The following STKLD1 variants were observed in gnomAD, a reference collection of about 807,000 sequenced individuals.
STKLD1 encodes the protein serine/threonine kinase like domain containing 1, also known as serine/threonine kinase-like domain-containing protein STKLD1.
A neutral mutation model predicts 80.4 loss-of-function variants in STKLD1; 79 were observed. That is an observed-to-expected ratio of 0.98 (90% CI 0.82 to 1.19). The LOEUF (loss-of-function observed/expected upper bound fraction) is 1.19. Among genes scored for constraint, STKLD1 ranks in the 50% most tolerant of loss-of-function variants. The pLI is 0.00. For missense variants in STKLD1, 841 were observed against 856.0 expected (o/e 0.98, Z 0.22); for synonymous variants, 393 against 357.6 (o/e 1.10, Z -1.12).
rs1838220051 is a variant in STKLD1, at chr9:133,384,415, C to G, written c.219+515C>G. On this transcript the variant is annotated intron_variant, in intron 3 of 17. Transcript: ENST00000371957. This position sits in a 1 kb window ranked among gnomAD's most constrained non-coding sequence, Gnocchi z 4.3. The stretch of plus-strand genomic sequence containing the variant: ...CGAGATTGCACCATTGCATTCCACC[C>G]TGGGTGACAGAGCAAAACTTTGTCT... 6.5e-6 allele frequency: 1 copy of G among 153,334 alleles called. No homozygotes were observed. Among genetic ancestry groups the G allele is most frequent in the African/African-American group, 2.4e-5 (1 of 41,408 alleles). 9.5% of individuals were successfully genotyped at this position (153,334 alleles called of 1,614,324 possible).
rs41316994 is a variant in STKLD1 at position 133,405,460 on chromosome 9, G to C, written c.*39G>C. 7,021 of 1,552,258 alleles carry C rather than the reference G, an allele frequency of 4.5e-3. 64 individuals carry two copies. The highest frequency in any genetic ancestry group is 0.038 in the African/African-American group (2,801 of 73,318). On this transcript the variant is annotated 3_prime_UTR_variant, in exon 18 of 18. Coordinates refer to ENST00000371957, the MANE Select transcript of STKLD1 (RefSeq NM_153710.5). ...ACTGACCTTGATCTCCACGTGTATA[G>C]TTTTCAAGACTGCTCTCCTGCCTGC...
At chr9:133,382,660 ATGG>A (rs1464564613) in intron 2 of STKLD1, among the ~76,000 whole-genome samples, 1 of 147,524 alleles carries the variant, frequency 6.8e-6, no homozygotes, top group Non-Finnish European at 1.5e-5. Context: ...TGGTGGTGTG[ATGG>A]TGATGATAGT....
At chr9:133,399,012 C>T (rs1162305760) in intron 11 of STKLD1, among the ~76,000 whole-genome samples, 4 of 152,048 alleles carry the variant, frequency 2.6e-5, no homozygotes, top group South Asian at 2.1e-4. Flanking sequence ...GCCACCACAC[C>T]CAGCTAATTT....
chr9:133,386,647 C>T (rs2130277901), intron 4 of STKLD1, among the ~76,000 whole-genome samples: 8 of 152,218 alleles, frequency 5.3e-5, no homozygotes, highest in East Asian at 1.9e-4. Flanking sequence ...TGACTGGGGA[C>T]GGAGACTCAG....
At chr9:133,393,549 G>A (rs1330905919) in intron 7 of STKLD1, among the ~76,000 whole-genome samples, 2 of 149,390 alleles carry the variant, frequency 1.3e-5, no homozygotes, top group Admixed American at 1.3e-4. Context: ...GGATGGATGG[G>A]TGAGTGTGTG....
At chr9:133,393,257 T>C (rs1312667417) in intron 7 of STKLD1, among the ~76,000 whole-genome samples, 1 of 123,080 alleles carries the variant, frequency 8.1e-6, no homozygotes, top group African/African-American at 3.1e-5. Flanking sequence ...GGAGGGTAGG[T>C]AAGTGGATGG....
In STKLD1 at chr9:133,399,379, G is replaced by A. The variant is rs1554777222; in HGVS notation, c.1082-1034G>A. 2.0e-5 allele frequency among the ~76,000 whole-genome samples: 3 copies of A among 152,266 alleles called. No individual in the cohort carries two copies. In the South Asian group the frequency reaches 6.2e-4, roughly 32 times the overall value. ...CCCTGGCCTTTGAGTAGGTAGCAGAGGCCTCATATGGGCCTAATTTACCAT... is the reference window on the plus strand; with the variant it reads ...CCCTGGCCTTTGAGTAGGTAGCAGAAGCCTCATATGGGCCTAATTTACCAT... On this transcript the variant is annotated intron_variant, in intron 11 of 17. Coordinates refer to ENST00000371957, the MANE Select transcript of STKLD1 (RefSeq NM_153710.5).
intron 7 of STKLD1, among the ~76,000 whole-genome samples, chr9:133,392,169 C>T (rs587762146): frequency 4.6e-5 from 7 of 151,838 alleles, no homozygotes; most frequent in Non-Finnish European, 8.8e-5. Flanking sequence ...CTCCGCCTAC[C>T]GGGTTCACGC....
Position 133,389,283 on chromosome 9 carries a change from G to A in STKLD1, c.397-243G>A. On this transcript the variant is annotated intron_variant, in intron 5 of 17. Transcript: ENST00000371957. This position sits in a 1 kb window ranked among gnomAD's most constrained non-coding sequence, Gnocchi z 6.4. ...GGCCCCTGCAGCACCCAGGGTCTCTGGTATGGAGACAGCAGTGTGGAGTCT... is the reference window on the plus strand; with the variant it reads ...GGCCCCTGCAGCACCCAGGGTCTCTAGTATGGAGACAGCAGTGTGGAGTCT... 4.1e-6 allele frequency: 4 copies of A among 985,352 alleles called. No homozygotes were observed. The highest frequency in any genetic ancestry group is 4.8e-6 in the Non-Finnish European group (4 of 829,908). The allele number at this position is 985,352 out of a possible 1,614,324, so 61.0% of individuals were successfully genotyped here.
chr9:133,392,178 G>A lies in STKLD1; in HGVS notation c.583+1382G>A, dbSNP rs186070378. 3.1e-4 allele frequency among the ~76,000 whole-genome samples: 47 copies of A among 150,734 alleles called. 1 individual carries two copies. Among genetic ancestry groups the A allele is most frequent in the Admixed American group, 2.4e-3 (36 of 14,954 alleles). On this transcript the variant is annotated intron_variant, in intron 7 of 17. Coordinates refer to ENST00000371957, the MANE Select transcript of STKLD1 (RefSeq NM_153710.5). The stretch of plus-strand genomic sequence containing the variant: ...TGCAAGCTCCGCCTACCGGGTTCAC[G>A]CCATTCTCCTGCCTCAGCCTCCCGA...
chr9:133,376,872 G>A (rs1005869553), intron 1 of STKLD1, among the ~76,000 whole-genome samples: 1 of 152,148 alleles, frequency 6.6e-6, no homozygotes, highest in Non-Finnish European at 1.5e-5. Flanking sequence ...CAGGACCCCC[G>A]GGAACATCCC....
chr9:133,382,077 G>T (rs2130267425), intron 2 of STKLD1, among the ~76,000 whole-genome samples: 7,216 of 152,212 alleles, frequency 0.047, 566 homozygotes, highest in African/African-American at 0.16. Flanking sequence ...TCAAAGCTCC[G>T]TGCTGCCCTT....
At chr9:133,378,903 G>T in intron 1 of STKLD1, 133 bp from the exon 2 acceptor site, 1 of 699,914 alleles carries the variant, frequency 1.4e-6, no homozygotes. Context: ...TCTATTGCAA[G>T]ATGGGGTGGA....
Position 133,385,451 on chromosome 9 carries a change from G to A in STKLD1, c.220-166G>A, listed in dbSNP as rs2130274465. On this transcript the variant is annotated intron_variant, in intron 3 of 17. Transcript: ENST00000371957. This position sits in a 1 kb window ranked among gnomAD's most constrained non-coding sequence, Gnocchi z 4.9. ...TCATGCTGGAGACAGGACCCACATC[G>A]GACTGCCTGGCTCCCAACCACCGTG... 2.6e-5 allele frequency among the ~76,000 whole-genome samples: 4 copies of A among 152,170 alleles called. No homozygotes were observed. Among genetic ancestry groups the A allele is most frequent in the Non-Finnish European group, 4.4e-5 (3 of 68,034 alleles).
At chr9:133,396,690 G>T (rs1259837412) in intron 9 of STKLD1, among the ~76,000 whole-genome samples, 1 of 152,140 alleles carries the variant, frequency 6.6e-6, no homozygotes, top group Non-Finnish European at 1.5e-5. Flanking sequence ...CCGGGAGGTG[G>T]AGGTTGCAGT....
chr9:133,395,386 G>C (rs1418215337), intron 8 of STKLD1, among the ~76,000 whole-genome samples: 1 of 152,092 alleles, frequency 6.6e-6, no homozygotes, highest in African/African-American at 2.4e-5. Flanking sequence ...CTCCACCCCG[G>C]GAGACAACCC....
chr9:133,403,983 G>A lies in STKLD1; in HGVS notation c.1667G>A (p.Cys556Tyr). The A allele has an allele frequency of 6.2e-7, 1 of 1,611,932 alleles. No individual in the cohort carries two copies. Among genetic ancestry groups the A allele is most frequent in the South Asian group, 1.1e-5 (1 of 90,874 alleles). ...VALLLQSIRLCQDRALLVNNA... is the reference protein window; with the variant it reads ...VALLLQSIRLYQDRALLVNNA... ...CTGCTCCTGCAAAGCATCCGGCTGT[G>A]CCAGGACAGAGCCCTGCTGGTGAAC... The change falls in exon 16 of 18, where the codon TGC (cysteine) becomes TAC (tyrosine). Residue 556 changes from cysteine (C) to tyrosine (Y), a missense_variant. Transcript: ENST00000371957.
At position 133,383,134 on chromosome 9, in the gene STKLD1, G is replaced by A. The variant is rs1442627873; in HGVS notation, c.175-722G>A. ...TGGTGATGGTGTGATGATGGTTAAG[G>A]TGGTGATGGTAATGATTTTGATGAT... On this transcript the variant is annotated intron_variant, in intron 2 of 17. Coordinates refer to ENST00000371957, the MANE Select transcript of STKLD1 (RefSeq NM_153710.5). Among the ~76,000 whole-genome samples, 5 of 150,614 alleles carry A rather than the reference G, an allele frequency of 3.3e-5. No individual in the cohort carries two copies. The East Asian group carries it at 1.0e-3, about 30-fold the overall frequency.
chr9:133,387,609 G>C, intron 5 of STKLD1, 61 bp downstream of exon 5: 1 of 1,348,564 alleles, frequency 7.4e-7, no homozygotes, highest in Non-Finnish European at 1.1e-6. Context: ...AGGCCCTGCG[G>C]TGCAGGGCAA....
Sources: gnomAD v4.1 joint callset for allele counts (sites outside exome capture counted in the v4.1 genomes callset) on GRCh38, gnomAD v4.1.1 for gene constraint, Gnocchi (gnomAD v3.1) non-coding constraint, MANE v1.5 for transcripts, NCBI Gene and HGNC (gene_info 2026-07-23, HGNC 2026-07-21) for gene names.